ST6GALNAC3: variants seen among roughly 807,000 people sequenced by gnomAD.
The protein encoded by ST6GALNAC3 is alpha-N-acetylgalactosaminide alpha-2,6-sialyltransferase 3.
ST6GALNAC3 carries 25 observed loss-of-function variants against 32.7 expected under a neutral mutation model. The observed-to-expected ratio is 0.76, with a 90% CI of 0.56 to 1.07. The LOEUF (loss-of-function observed/expected upper bound fraction) is 1.07. ST6GALNAC3 is among the 50% of genes least tolerant of loss of function. ST6GALNAC3 has a pLI of 0.00. For missense variants in ST6GALNAC3, 355 were observed against 382.4 expected (o/e 0.93, Z 0.60); for synonymous variants, 129 against 133.1 (o/e 0.97, Z 0.21).
chr1:76,078,717 T>G (rs752125210), intron 1 of ST6GALNAC3, among the ~76,000 whole-genome samples: 23 of 152,194 alleles, frequency 1.5e-4, no homozygotes, highest in Non-Finnish European at 3.1e-4. Flanking sequence ...TGCTCCTGGT[T>G]AGGCAGCTCT....
intron 1 of ST6GALNAC3, among the ~76,000 whole-genome samples, chr1:76,116,805 G>T (rs1017521355): frequency 1.3e-5 from 2 of 152,182 alleles, no homozygotes; most frequent in Non-Finnish European, 2.9e-5. Context: ...GGTGGCATGT[G>T]CCTGTAATCC....
At chr1:76,392,105 T>C (rs1652609272) in intron 2 of ST6GALNAC3, among the ~76,000 whole-genome samples, 1 of 152,164 alleles carries the variant, frequency 6.6e-6, no homozygotes, top group Admixed American at 6.5e-5. Flanking sequence ...TTCCATTCAC[T>C]AGATGACGGT....
chr1:76,264,095 G>T (rs1658398557), intron 1 of ST6GALNAC3, among the ~76,000 whole-genome samples: 1 of 152,116 alleles, frequency 6.6e-6, no homozygotes, highest in Non-Finnish European at 1.5e-5. Flanking sequence ...CATACAGCTG[G>T]AAGGAGCCAT....
At chr1:76,564,575 ATTTTTTT>A (rs200008546) in intron 3 of ST6GALNAC3, among the ~76,000 whole-genome samples, 5 of 126,266 alleles carry the variant, frequency 4.0e-5, no homozygotes, top group African/African-American at 1.6e-4. Context: ...TGAATGCAGC[ATTTTTTT>A]TTTTTTTTTT....
At chr1:76,152,421 C>A (rs144681793) in intron 1 of ST6GALNAC3, among the ~76,000 whole-genome samples, 3 of 152,296 alleles carry the variant, frequency 2.0e-5, no homozygotes, top group Non-Finnish European at 2.9e-5. Context: ...ACTGCCCAGG[C>A]GGCCTTGTGC....
intron 1 of ST6GALNAC3, among the ~76,000 whole-genome samples, chr1:76,294,553 C>A (rs186238799): frequency 1.8e-4 from 27 of 152,122 alleles, no homozygotes; most frequent in African/African-American, 5.8e-4. Context: ...TTAACCTGCC[C>A]GGAATAAAAC....
intron 1 of ST6GALNAC3, among the ~76,000 whole-genome samples, chr1:76,133,417 G>T (rs1173665181): frequency 1.3e-5 from 2 of 152,130 alleles, no homozygotes; most frequent in Non-Finnish European, 2.9e-5. Context: ...CAGTAAAGTG[G>T]CCAGCAGTCA....
rs962080743 is a variant in ST6GALNAC3, at chr1:76,412,206, A to C, written c.412A>C (p.Lys138Gln). 1 of 1,613,652 alleles carries C rather than the reference A, an allele frequency of 6.2e-7. No individual in the cohort carries two copies. The highest frequency in any genetic ancestry group is 1.3e-5 in the African/African-American group (1 of 74,870). ...VSHTSVPLLL[K>Q]NPDYFFKEAN... is the part of the protein sequence containing the mutation. ...CCATACCAGCGTTCCTCTTTTGCTA[A>C]AAAACCCTGATTATTTTTTCAAGGA... Residue 138 changes from lysine (K) to glutamine (Q), a missense_variant, in exon 3 of 5, where the codon AAA becomes CAA. Physicochemically the swap from Lys to Gln is moderately conservative, Grantham distance 53 (BLOSUM62 1). Coordinates refer to ENST00000328299, the MANE Select transcript of ST6GALNAC3 (RefSeq NM_152996.4).
At position 76,184,396 on chromosome 1, in the gene ST6GALNAC3, G is replaced by T. The variant is rs148288846; in HGVS notation, c.18+109512G>T. 3.7e-3 allele frequency among the ~76,000 whole-genome samples: 564 copies of T among 152,036 alleles called. 4 individuals are homozygous for T. The highest frequency in any genetic ancestry group is 0.013 in the African/African-American group (526 of 41,444). On this transcript the variant is annotated intron_variant, in intron 1 of 4. Coordinates refer to ENST00000328299, the MANE Select transcript of ST6GALNAC3 (RefSeq NM_152996.4). Reference sequence around the variant, plus strand: ...TCTACTGAAATTACAAAAATTAGCCGGGTGTGGTGGCGCATGTCTGTAGTC... The same window carrying T: ...TCTACTGAAATTACAAAAATTAGCCTGGTGTGGTGGCGCATGTCTGTAGTC...
intron 1 of ST6GALNAC3, among the ~76,000 whole-genome samples, chr1:76,161,888 A>G (rs545834095): frequency 6.6e-6 from 1 of 152,314 alleles, no homozygotes; most frequent in Non-Finnish European, 1.5e-5. Context: ...CAGAGTTTGC[A>G]TTAGTGCTTC....
intron 1 of ST6GALNAC3, among the ~76,000 whole-genome samples, chr1:76,098,598 T>A (rs1006889554): frequency 2.1e-4 from 30 of 140,546 alleles, no homozygotes; most frequent in African/African-American, 7.2e-4. Context: ...TATTAGTCTT[T>A]TCCCCATTTA....
In ST6GALNAC3 at chr1:76,459,522, C is replaced by T. The variant is rs1455420351; in HGVS notation, c.623+47105C>T. On this transcript the variant is annotated intron_variant, in intron 3 of 4. Coordinates refer to ENST00000328299, the MANE Select transcript of ST6GALNAC3 (RefSeq NM_152996.4). Reference sequence around the variant, plus strand: ...GAGCTTGCAGTGAGTGGAGATTGCTCCACTGCACTCCAGCCTGGGCGACAG... The same window carrying T: ...GAGCTTGCAGTGAGTGGAGATTGCTTCACTGCACTCCAGCCTGGGCGACAG... 2.6e-5 allele frequency among the ~76,000 whole-genome samples: 4 copies of T among 151,520 alleles called. No individual in the cohort carries two copies. In the East Asian group the frequency reaches 7.8e-4, roughly 29 times the overall value.
intron 1 of ST6GALNAC3, among the ~76,000 whole-genome samples, chr1:76,211,117 T>A (rs1655132246): frequency 6.6e-6 from 1 of 152,152 alleles, no homozygotes; most frequent in Non-Finnish European, 1.5e-5. Flanking sequence ...AAAGTCCCTA[T>A]CTCCGAAGGA....
intron 1 of ST6GALNAC3, among the ~76,000 whole-genome samples, chr1:76,141,641 C>T (rs771454233): frequency 6.6e-6 from 1 of 152,114 alleles, no homozygotes; most frequent in African/African-American, 2.4e-5. Flanking sequence ...CCATTTAAAT[C>T]ATTCATTAAA....
chr1:76,358,536 T>G (rs540978851), intron 2 of ST6GALNAC3, among the ~76,000 whole-genome samples: 5 of 152,258 alleles, frequency 3.3e-5, no homozygotes, highest in Admixed American at 3.3e-4. Context: ...GATAGATCAT[T>G]TCCTCATATA....
At chr1:76,559,621 A>G (rs923055024) in intron 3 of ST6GALNAC3, among the ~76,000 whole-genome samples, 2 of 152,198 alleles carry the variant, frequency 1.3e-5, no homozygotes, top group Non-Finnish European at 2.9e-5. Flanking sequence ...AGGAGTCTCC[A>G]CTGATCATCC....
intron 1 of ST6GALNAC3, among the ~76,000 whole-genome samples, chr1:76,278,220 A>ATTTTTTTTTTT (rs1659285357): frequency 1.9e-5 from 2 of 105,326 alleles, no homozygotes; most frequent in African/African-American, 1.4e-4. Flanking sequence ...ATTGCTAGGC[A>ATTTTTTTTTTT]TTCTTTTTTT....
intron 3 of ST6GALNAC3, among the ~76,000 whole-genome samples, chr1:76,586,261 G>A (rs946095705): frequency 6.6e-6 from 1 of 152,104 alleles, no homozygotes; most frequent in Non-Finnish European, 1.5e-5. Context: ...TTACTGTGAT[G>A]GACTTTAAAT....
chr1:76,273,660 C>A (rs1192307582), intron 1 of ST6GALNAC3, among the ~76,000 whole-genome samples: 1 of 152,068 alleles, frequency 6.6e-6, no homozygotes, highest in African/African-American at 2.4e-5. Context: ...AGACAGCAGA[C>A]CTGTTTACAT....
Sources: allele counts gnomAD v4.1 joint callset (sites outside exome capture counted in the v4.1 genomes callset), GRCh38; gene constraint gnomAD v4.1.1; transcripts MANE v1.5; gene names NCBI Gene and HGNC (gene_info 2026-07-23, HGNC 2026-07-21).